Variants in TPR observed in about 807,000 individuals in gnomAD.
The protein encoded by TPR is nucleoprotein TPR.
A neutral mutation model predicts 316.1 loss-of-function variants in TPR; 51 were observed. That is an observed-to-expected ratio of 0.16 (90% CI 0.13 to 0.20). The LOEUF (loss-of-function observed/expected upper bound fraction) is 0.20. Among genes scored for constraint, TPR ranks in the 10% least tolerant of loss-of-function variants. The pLI is 1.00. For synonymous variants in TPR, 981 were observed against 914.7 expected (o/e 1.07, Z -1.31); for missense variants, 2,272 against 2,754.8 (o/e 0.82, Z 3.92).
At chr1:186,362,633 A>G (rs992068992) in intron 6 of TPR, among the ~76,000 whole-genome samples, 7 of 152,072 alleles carry the variant, frequency 4.6e-5, no homozygotes, top group African/African-American at 1.7e-4. Flanking sequence ...GACAGTAGAT[A>G]CTAACCAGAT....
chr1:186,327,705 C>CT, intron 39 of TPR, 45 bp from the exon 40 acceptor site: 13 of 1,535,936 alleles, frequency 8.5e-6, no homozygotes, highest in Non-Finnish European at 1.2e-5. Context: ...GCCCTATAAA[C>CT]ATACCTAAAA....
chr1:186,336,410 C>A, intron 33 of TPR, 86 bp downstream of exon 33: 1 of 1,279,742 alleles, frequency 7.8e-7, no homozygotes, highest in Non-Finnish European at 1.1e-6. Flanking sequence ...TAAGTAGATA[C>A]CTTTTATTTC....
intron 19 of TPR, among the ~76,000 whole-genome samples, chr1:186,351,683 G>C (rs1299155471): frequency 6.6e-6 from 1 of 151,990 alleles, no homozygotes; most frequent in Non-Finnish European, 1.5e-5. Context: ...TCGTCATTCA[G>C]ATTTCCCAAA....
intron 50 of TPR, 135 bp from the exon 51 acceptor site, chr1:186,314,161 T>A: frequency 2.8e-6 from 2 of 714,282 alleles, no homozygotes; most frequent in Non-Finnish European, 4.5e-6. Context: ...ACAACTTCAA[T>A]GGAAATTATT....
Position 186,356,415 on chromosome 1 carries a change from G to A in TPR, c.1759C>T (p.Leu587Phe). The A allele has an allele frequency of 6.2e-7, 1 of 1,612,962 alleles. No homozygotes were observed. ...TTGCGGAGTTGTTCTAGTTCAGTAA[G>A]GGCACTCTCAAGTTTGAGCTGAAGC... ...TELQLKLESA[L>F]TELEQLRKSR... Residue 587 changes from leucine to phenylalanine, a missense_variant, in exon 15 of 51, where the codon CTT becomes TTT. Leu to Phe is a conservative substitution (Grantham distance 22). Around this residue, in one of 10 missense-constraint regions of TPR, gnomAD observed 757 missense variants for 859.8 expected, o/e 0.88. Coordinates refer to ENST00000367478, the MANE Select transcript of TPR (RefSeq NM_003292.3).
chr1:186,317,738 C>A, intron 48 of TPR, 138 bp from the exon 49 acceptor site: 1 of 718,310 alleles, frequency 1.4e-6, no homozygotes, highest in Non-Finnish European at 2.2e-6. Flanking sequence ...GATTTGGTTA[C>A]CATATATATT....
At chr1:186,366,612 T>C (rs1306800060) in intron 4 of TPR, among the ~76,000 whole-genome samples, 2 of 152,180 alleles carry the variant, frequency 1.3e-5, no homozygotes, top group Non-Finnish European at 2.9e-5. Context: ...CCATAGTTAA[T>C]TACAAATTCA....
Position 186,314,631 on chromosome 1 carries a change from CTCTG to C in TPR, c.7030_7033del (p.Gln2344GlufsTer3). Reference sequence around the variant, plus strand: ...ATCCAGTTATGTCAGAAATTCACCTCTCTGTCTGTTAAACTGACGACCACGGACA... The same window carrying C: ...ATCCAGTTATGTCAGAAATTCACCTCTCTGTTAAACTGACGACCACGGACA... On this transcript the variant is annotated frameshift_variant, in exon 50 of 51. Transcript: ENST00000367478. LOFTEE classifies it high-confidence loss of function. 1.2e-6 allele frequency: 2 copies of C among 1,605,404 alleles called. No homozygotes were observed. Among genetic ancestry groups the C allele is most frequent in the Non-Finnish European group, 1.7e-6 (2 of 1,175,594 alleles).
chr1:186,320,426 G>C lies in TPR; in HGVS notation c.6462-8C>G. 1 of 1,596,010 alleles carries C rather than the reference G, an allele frequency of 6.3e-7. No individual in the cohort carries two copies. Among genetic ancestry groups the C allele is most frequent in the Non-Finnish European group, 8.5e-7 (1 of 1,170,790 alleles). The stretch of plus-strand genomic sequence containing the variant: ...CCAGCAACCTGCGGCGAACTAAATG[G>C]ACAAAAACTAATTTAAGATGAAATT... On this transcript the variant is annotated splice_region_variant and splice_polypyrimidine_tract_variant and intron_variant, in intron 45 of 50. Coordinates refer to ENST00000367478, the MANE Select transcript of TPR (RefSeq NM_003292.3).
intron 48 of TPR, among the ~76,000 whole-genome samples, 163 bp downstream of exon 48, chr1:186,318,284 C>T (rs1400811564): frequency 6.6e-6 from 1 of 151,416 alleles, no homozygotes; most frequent in Non-Finnish European, 1.5e-5. Context: ...GCCGAGATCA[C>T]GCCACTGCAC....
intron 5 of TPR, 56 bp downstream of exon 5, chr1:186,363,286 A>T: frequency 7.3e-7 from 1 of 1,376,456 alleles, no homozygotes; most frequent in Non-Finnish European, 1.0e-6. Context: ...AATTTAATTT[A>T]GGTGAGTTTT....
At chr1:186,367,459 T>C (rs1292398149) in intron 4 of TPR, among the ~76,000 whole-genome samples, 1 of 152,218 alleles carries the variant, frequency 6.6e-6, no homozygotes, top group Admixed American at 6.5e-5. Context: ...TTATGTATTT[T>C]ATGTCTCTGC....
chr1:186,329,986 A>G (rs1354865924), intron 39 of TPR, among the ~76,000 whole-genome samples: 1 of 152,158 alleles, frequency 6.6e-6, no homozygotes, highest in Non-Finnish European at 1.5e-5. Context: ...TCTGGGTATC[A>G]GTTTCTGTAA....
chr1:186,343,511 T>A (rs1403784440), intron 26 of TPR, 38 bp from the exon 27 acceptor site: 2 of 1,583,640 alleles, frequency 1.3e-6, no homozygotes, highest in Admixed American at 1.8e-5. Flanking sequence ...ATGTGAATTT[T>A]AAAAAGCCAA....
intron 40 of TPR, among the ~76,000 whole-genome samples, chr1:186,326,564 A>G: frequency 6.6e-6 from 1 of 152,096 alleles, no homozygotes; most frequent in East Asian, 1.9e-4. Flanking sequence ...ATAAAATTAC[A>G]CTATATCAGG....
At chr1:186,372,902 T>C (rs1659577001) in intron 2 of TPR, among the ~76,000 whole-genome samples, 1 of 152,158 alleles carries the variant, frequency 6.6e-6, no homozygotes, top group Non-Finnish European at 1.5e-5. Flanking sequence ...TATTAAAAAA[T>C]GGAGTTAAAA....
In TPR at chr1:186,362,794, A is replaced by G. The variant is rs1326500918; in HGVS notation, c.696+43T>C. ...TTTAATAAACTGACATACAAATGTA[A>G]GTTATACTCAACATGAAGAAAAACA... On this transcript the variant is annotated intron_variant, in intron 6 of 50. Coordinates refer to ENST00000367478, the MANE Select transcript of TPR (RefSeq NM_003292.3). 2.7e-6 allele frequency: 4 copies of G among 1,503,124 alleles called. No homozygotes were observed. In the South Asian group the frequency reaches 5.0e-5, roughly 19 times the overall value. The allele number at this position is 1,503,124 out of a possible 1,614,324, so 93.1% of individuals were successfully genotyped here. A position where few individuals can be genotyped will look rare whatever the true frequency, so the allele number is the denominator to read the frequency against.
intron 41 of TPR, 35 bp from the exon 42 acceptor site, chr1:186,325,889 A>G (rs76057663): frequency 0.16 from 249,882 of 1,596,908 alleles, 20,750 homozygotes; most frequent in Non-Finnish European, 0.17. Flanking sequence ...ATGCTCAAAT[A>G]AAATAAATAT....
intron 45 of TPR, among the ~76,000 whole-genome samples, chr1:186,321,337 T>C (rs1312186239): frequency 6.6e-6 from 1 of 152,186 alleles, no homozygotes; most frequent in East Asian, 1.9e-4. Flanking sequence ...TTCAAATACA[T>C]CCTGTTAAGC....
Sources: gnomAD v4.1 joint callset for allele counts (sites outside exome capture counted in the v4.1 genomes callset) on GRCh38, gnomAD v4.1.1 for gene constraint, gnomAD v4.1.1 regional missense constraint, MANE v1.5 for transcripts, NCBI Gene and HGNC (gene_info 2026-07-23, HGNC 2026-07-21) for gene names.